Variants in CNTNAP3 observed in about 807,000 individuals in gnomAD.
The protein encoded by CNTNAP3 is contactin associated protein family member 3, also known as contactin-associated protein-like 3.
In CNTNAP3, 36 loss-of-function variants were observed where a neutral mutation model predicts 92.1. The ratio of observed to expected loss-of-function variants is 0.39; its 90% CI spans 0.30 to 0.52. The LOEUF is 0.52. Ranked by LOEUF, CNTNAP3 falls within the 20% of genes least tolerant of loss-of-function variation. CNTNAP3 has a pLI of 0.76. For missense variants in CNTNAP3, 534 were observed against 1,069.6 expected (o/e 0.50, Z 6.98); for synonymous variants, 232 against 422.3 (o/e 0.55, Z 5.53).
At chr9:39,271,948 C>T (rs1236489850) in intron 1 of CNTNAP3, among the ~76,000 whole-genome samples, 1 of 11,310 alleles carries the variant, frequency 8.8e-5, no homozygotes. Flanking sequence ...TTTTTTGAGA[C>T]GGAGCCTTGC....
chr9:39,131,154 C>T (rs1394909317), intron 13 of CNTNAP3, among the ~76,000 whole-genome samples: 1 of 150,404 alleles, frequency 6.6e-6, no homozygotes, highest in Admixed American at 6.6e-5. Context: ...GGCTACACTT[C>T]ATTCAACAGC....
At chr9:39,147,669 C>A (rs1031277285) in intron 10 of CNTNAP3, among the ~76,000 whole-genome samples, 4 of 152,188 alleles carry the variant, frequency 2.6e-5, no homozygotes, top group African/African-American at 9.7e-5. Flanking sequence ...AGCATGTTTA[C>A]AAGTAACTTT....
Position 39,107,662 on chromosome 9 carries a change from T to C in CNTNAP3, c.2365+1498A>G, listed in dbSNP as rs375901938. 4.6e-5 allele frequency among the ~76,000 whole-genome samples: 7 copies of C among 151,904 alleles called. No individual in the cohort carries two copies. In the South Asian group the frequency reaches 6.3e-4, roughly 14 times the overall value. ...ACAGCTGATAACAAATTACTGACAT[T>C]GGGAGAAGCTTAGAATAATCATATT... is the stretch of plus-strand genomic sequence containing the variant. On this transcript the variant is annotated intron_variant, in intron 15 of 23. Transcript: ENST00000297668.
rs1825509770 is a variant in CNTNAP3, at chr9:39,066,397, G to C, written c.*7493C>G. ...AAAAGATATTTAAGTAATAAGGGCA[G>C]GTATTGTATATTTACTTATGGTGTT... is the stretch of plus-strand genomic sequence containing the variant. On this transcript the variant is annotated 3_prime_UTR_variant, in exon 24 of 24. Transcript: ENST00000297668. Among the ~76,000 whole-genome samples, 1 of 152,052 alleles carries C rather than the reference G, an allele frequency of 6.6e-6. No homozygotes were observed. Among genetic ancestry groups the C allele is most frequent in the Non-Finnish European group, 1.5e-5 (1 of 68,002 alleles).
At chr9:39,083,423 G>T (rs1247596831) in intron 21 of CNTNAP3, among the ~76,000 whole-genome samples, 1 of 152,088 alleles carries the variant, frequency 6.6e-6, no homozygotes, top group African/African-American at 2.4e-5. Context: ...CACTTTGGGA[G>T]ACTGAGGCGG....
rs1198106886 is a variant in CNTNAP3, at chr9:39,068,243, CAA to C, written c.*5645_*5646del. On this transcript the variant is annotated 3_prime_UTR_variant, in exon 24 of 24. Coordinates refer to ENST00000297668, the MANE Select transcript of CNTNAP3 (RefSeq NM_033655.5). ...TGAAACCTTGCCTCCACTAAAAATACAAAAAAAAAAAAAAAAAAAAAAATTAG... is the reference window on the plus strand; with the variant it reads ...TGAAACCTTGCCTCCACTAAAAATACAAAAAAAAAAAAAAAAAAAAATTAG... Among the ~76,000 whole-genome samples the C allele has an allele frequency of 7.2e-4, 93 of 129,314 alleles. No individual in the cohort carries two copies. Among genetic ancestry groups the C allele is most frequent in the African/African-American group, 2.5e-3 (87 of 34,702 alleles). 84.8% of individuals were successfully genotyped at this position (129,314 alleles called of 152,430 possible).
At chr9:39,137,736 G>C (rs951324525) in intron 12 of CNTNAP3, among the ~76,000 whole-genome samples, 49 of 152,114 alleles carry the variant, frequency 3.2e-4, no homozygotes, top group African/African-American at 1.1e-3. Flanking sequence ...GGATGGTCTC[G>C]ATCTCCTGAC....
intron 12 of CNTNAP3, among the ~76,000 whole-genome samples, chr9:39,134,597 G>T (rs1792013851): frequency 6.6e-6 from 1 of 152,010 alleles, no homozygotes; most frequent in African/African-American, 2.4e-5. Context: ...GCTAATTTTT[G>T]TATTTTTTTA....
Position 39,100,074 on chromosome 9 carries a change from C to A in CNTNAP3, c.2832G>T (p.Leu944=), listed in dbSNP as rs1587706455. The change falls in exon 18 of 24, where the codon CTG becomes CTT. Residue 944 remains leucine (L), a synonymous_variant. Transcript: ENST00000297668. ...CTGGCGTCACTGTGGCTCTTTCTTC[C>A]AGATCCAGGGCCACCCCGTTCAACT... is the stretch of plus-strand genomic sequence containing the variant. The part of the protein sequence containing the change: ...SLQLNGVALD[L]EERATVTPGV... 6.3e-7 allele frequency: 1 copy of A among 1,579,868 alleles called. No individual in the cohort carries two copies.
intron 14 of CNTNAP3, among the ~76,000 whole-genome samples, chr9:39,116,837 A>G (rs1820869647): frequency 6.6e-6 from 1 of 152,170 alleles, no homozygotes; most frequent in Non-Finnish European, 1.5e-5. Context: ...AGTGATGCAA[A>G]GTAGACTTTT....
chr9:39,080,672 T>C lies in CNTNAP3; in HGVS notation c.3443-1752A>G, dbSNP rs1299275417. ...TTTTAGGGCAGACCTTTTTTTTTTT[T>C]TTTTTTTTGAGATGGAGTCTCACTC... On this transcript the variant is annotated intron_variant, in intron 21 of 23. Transcript: ENST00000297668. Among the ~76,000 whole-genome samples, 3 of 129,284 alleles carry C rather than the reference T, an allele frequency of 2.3e-5. 1 individual carries two copies. Among genetic ancestry groups the C allele is most frequent in the Non-Finnish European group, 5.0e-5 (3 of 59,684 alleles). The allele number at this position is 129,284 out of a possible 152,430, so 84.8% of individuals were successfully genotyped here. A position where few individuals can be genotyped will look rare whatever the true frequency, so the allele number is the denominator to read the frequency against.
chr9:39,069,808 T>C lies in CNTNAP3; in HGVS notation c.*4082A>G, dbSNP rs1365316333. Among the ~76,000 whole-genome samples the C allele has an allele frequency of 1.3e-5, 2 of 152,302 alleles. No individual in the cohort carries two copies. Among genetic ancestry groups the C allele is most frequent in the African/African-American group, 4.8e-5 (2 of 41,488 alleles). On this transcript the variant is annotated 3_prime_UTR_variant, in exon 24 of 24. Transcript: ENST00000297668. The stretch of plus-strand genomic sequence containing the variant: ...TGAACTTAGCCTGAGCTACATCCAT[T>C]GGGAGTGATGTGAAGGAAGAGAAAA...
At position 39,068,137 on chromosome 9, in the gene CNTNAP3, C is replaced by A. The variant is rs1318137173; in HGVS notation, c.*5753G>T. Among the ~76,000 whole-genome samples, 1 of 152,300 alleles carries A rather than the reference C, an allele frequency of 6.6e-6. No individual in the cohort carries two copies. The highest frequency in any genetic ancestry group is 1.5e-5 in the Non-Finnish European group (1 of 68,052). On this transcript the variant is annotated 3_prime_UTR_variant, in exon 24 of 24. Transcript: ENST00000297668. ...ATTTCAGGGCGGGCGCAGTGGCTTA[C>A]GCCTGTGATACCAGCGCTTTAGGAG...
intron 21 of CNTNAP3, among the ~76,000 whole-genome samples, chr9:39,081,833 C>T (rs1037763719): frequency 6.6e-6 from 1 of 150,928 alleles, no homozygotes; most frequent in African/African-American, 2.4e-5. Flanking sequence ...AATCCCAGCA[C>T]TTTGGGAGGC....
intron 19 of CNTNAP3, among the ~76,000 whole-genome samples, chr9:39,088,092 T>G (rs1269412582): frequency 6.6e-6 from 1 of 152,116 alleles, no homozygotes; most frequent in Non-Finnish European, 1.5e-5. Context: ...ATGTATGTCA[T>G]GTATCTAGAT....
At chr9:39,127,489 G>C (rs1821178387) in intron 13 of CNTNAP3, among the ~76,000 whole-genome samples, 2 of 152,074 alleles carry the variant, frequency 1.3e-5, no homozygotes, top group African/African-American at 2.4e-5. Context: ...CGAAAATCTA[G>C]TTCTAAAAAA....
chr9:39,108,229 G>T (rs1291984782), intron 15 of CNTNAP3, among the ~76,000 whole-genome samples: 1 of 119,042 alleles, frequency 8.4e-6, no homozygotes, highest in African/African-American at 3.4e-5. Context: ...GGAGCCCCCA[G>T]ACAAGGGTCC....
chr9:39,118,957 T>C (rs529334724), intron 13 of CNTNAP3, among the ~76,000 whole-genome samples: 203 of 152,248 alleles, frequency 1.3e-3, no homozygotes, highest in African/African-American at 4.6e-3. Context: ...CTCAGATCTA[T>C]AGAACTGCAT....
At chr9:39,102,387 A>C in intron 17 of CNTNAP3, 110 bp downstream of exon 17, 1 of 1,548,630 alleles carries the variant, frequency 6.5e-7, no homozygotes. Flanking sequence ...AGTACCAATA[A>C]GCAGTAGTTG....
Sources: gnomAD v4.1 joint callset for allele counts (sites outside exome capture counted in the v4.1 genomes callset) on GRCh38, gnomAD v4.1.1 for gene constraint, MANE v1.5 for transcripts, NCBI Gene and HGNC (gene_info 2026-07-23, HGNC 2026-07-21) for gene names.